CASK: variants seen among roughly 807,000 people sequenced by gnomAD.
CASK encodes peripheral plasma membrane protein CASK.
A neutral mutation model predicts 82.9 loss-of-function variants in CASK; 4 were observed. The ratio of observed to expected loss-of-function variants is 0.05; its 90% confidence interval spans 0.02 to 0.11. The LOEUF is 0.11. Ranked by LOEUF, CASK falls within the 10% of genes least tolerant of loss-of-function variation. The pLI, the probability that CASK is intolerant of heterozygous loss-of-function variation, is 1.00. For synonymous variants in CASK, 259 were observed against 253.5 expected (o/e 1.02, Z -0.20); for missense variants, 358 against 720.9 (o/e 0.50, Z 5.76).
chrX:41,543,336 T>C (rs760021485), intron 21 of CASK, among the ~76,000 whole-genome samples: 13 of 112,110 alleles, frequency 1.2e-4, no homozygotes, highest in Admixed American at 1.9e-4. Context: ...CTCATGATCT[T>C]AGCCAGAATA....
chrX:41,638,833 C>T (rs1310746159), intron 8 of CASK, among the ~76,000 whole-genome samples: 1 of 110,718 alleles, frequency 9.0e-6, no homozygotes, highest in East Asian at 2.9e-4. Flanking sequence ...AGTGGAGGGT[C>T]TTGAGCTAGA....
chrX:41,676,526 C>T (rs1418652677), intron 5 of CASK: 11 of 1,147,644 alleles, frequency 9.6e-6, no homozygotes, highest in African/African-American at 5.3e-5. Context: ...GCTCCCCTCG[C>T]GCCGGCACGC....
chrX:41,808,775 T>G (rs1414844961), intron 2 of CASK, among the ~76,000 whole-genome samples: 1 of 112,197 alleles, frequency 8.9e-6, no homozygotes, highest in Non-Finnish European at 1.9e-5. Context: ...GGGCGAGACA[T>G]CGCCTCACCC....
chrX:41,814,054 C>CA (rs1283434195), intron 2 of CASK, among the ~76,000 whole-genome samples: 32 of 112,224 alleles, frequency 2.9e-4, no homozygotes, highest in South Asian at 1.1e-3. Flanking sequence ...TACCATCTCA[C>CA]ACCAGTTAGA....
intron 2 of CASK, among the ~76,000 whole-genome samples, chrX:41,813,700 A>AC: frequency 8.9e-6 from 1 of 112,016 alleles, no homozygotes; most frequent in Non-Finnish European, 1.9e-5. Context: ...TTCATGTCCA[A>AC]AACACCAAAA....
chrX:41,770,042 T>C (rs1322571018), intron 3 of CASK, among the ~76,000 whole-genome samples: 1 of 110,594 alleles, frequency 9.0e-6, no homozygotes, highest in East Asian at 2.8e-4. Context: ...AAGACAAAAA[T>C]GAATAAGGTA....
intron 5 of CASK, among the ~76,000 whole-genome samples, chrX:41,672,801 G>A (rs781414660): frequency 8.9e-6 from 1 of 112,424 alleles, no homozygotes; most frequent in East Asian, 2.8e-4. Flanking sequence ...AAGAAGGAAG[G>A]CAAGTGTAGA....
intron 5 of CASK, among the ~76,000 whole-genome samples, chrX:41,715,325 G>C (rs1029261551): frequency 8.9e-6 from 1 of 111,903 alleles, no homozygotes; most frequent in African/African-American, 3.3e-5. Context: ...CCCATCAGAA[G>C]AGCTCCTTTC....
intron 8 of CASK, among the ~76,000 whole-genome samples, chrX:41,651,364 AAAAC>A (rs921967170): frequency 2.7e-5 from 3 of 112,069 alleles, no homozygotes; most frequent in African/African-American, 6.5e-5. Flanking sequence ...CTGGGAGGGC[AAAAC>A]AAACAAATAA....
chrX:41,775,269 A>C (rs2069335369), intron 3 of CASK, among the ~76,000 whole-genome samples: 1 of 111,961 alleles, frequency 8.9e-6, no homozygotes, highest in African/African-American at 3.2e-5. Flanking sequence ...ATGCAGCCAA[A>C]AGACACATTA....
rs967547707 is a variant in CASK at position 41,538,761 on chromosome X, A to T, written c.2156-3788T>A. Among the ~76,000 whole-genome samples the T allele has an allele frequency of 1.1e-4, 12 of 111,988 alleles. 1 individual carries two copies. Among genetic ancestry groups the T allele is most frequent in the Admixed American group, 1.1e-3 (11 of 10,476 alleles). On this transcript the variant is annotated intron_variant, in intron 22 of 26. Transcript: ENST00000378163. ...GCCATTAACATTGAATCCTTGTCTC[A>T]GCTGGAAACACTATCAAGATCTTCA...
At chrX:41,632,902 C>A (rs1394857379) in intron 9 of CASK, among the ~76,000 whole-genome samples, 1 of 108,744 alleles carries the variant, frequency 9.2e-6, no homozygotes, top group Non-Finnish European at 1.9e-5. Flanking sequence ...CAAAAATTAG[C>A]TGGATGTGGT....
chrX:41,536,148 C>T (rs958077212), intron 22 of CASK, among the ~76,000 whole-genome samples: 2 of 111,261 alleles, frequency 1.8e-5, no homozygotes, highest in Non-Finnish European at 3.8e-5. Flanking sequence ...GATGGACTCT[C>T]GCTGTGCCAC....
At chrX:41,814,263 A>G (rs1161365844) in intron 2 of CASK, among the ~76,000 whole-genome samples, 2 of 111,903 alleles carry the variant, frequency 1.8e-5, no homozygotes, top group African/African-American at 6.5e-5. Flanking sequence ...AAAGGATTAA[A>G]CATCATGCTG....
At chrX:41,807,240 C>A (rs1329283741) in intron 2 of CASK, among the ~76,000 whole-genome samples, 3 of 110,891 alleles carry the variant, frequency 2.7e-5, no homozygotes, top group Admixed American at 9.6e-5. Context: ...ACAACAACAA[C>A]AAAAAACACC....
intron 3 of CASK, among the ~76,000 whole-genome samples, chrX:41,746,877 G>T (rs897044410): frequency 9.0e-6 from 1 of 111,731 alleles, no homozygotes; most frequent in Middle Eastern, 4.2e-3. Flanking sequence ...ACAAGTATGT[G>T]ATAGGGACAA....
At chrX:41,823,559 A>G (rs777589821) in intron 2 of CASK, among the ~76,000 whole-genome samples, 11 of 110,737 alleles carry the variant, frequency 9.9e-5, no homozygotes, top group Non-Finnish European at 2.1e-4. Context: ...CCCCAGTGCA[A>G]TACCGAAATT....
chrX:41,632,491 A>G (rs900409556), intron 9 of CASK, among the ~76,000 whole-genome samples: 1 of 112,243 alleles, frequency 8.9e-6, no homozygotes, highest in Non-Finnish European at 1.9e-5. Context: ...GCTGTCTAAT[A>G]CAGTAGCCAT....
At chrX:41,775,924 C>T (rs1569444371) in intron 3 of CASK, among the ~76,000 whole-genome samples, 1 of 104,279 alleles carries the variant, frequency 9.6e-6, no homozygotes, top group Non-Finnish European at 2.0e-5. Context: ...CTGGGAGATA[C>T]ACCTAATGCT....
Sources: allele counts gnomAD v4.1 joint callset (sites outside exome capture counted in the v4.1 genomes callset), GRCh38; gene constraint gnomAD v4.1.1; transcripts MANE v1.5; gene names NCBI Gene and HGNC (gene_info 2026-07-23, HGNC 2026-07-21).